Variants in NUP98 observed in about 807,000 individuals in gnomAD.
The protein encoded by NUP98 is nucleoporin 98 and 96 precursor, also known as nuclear pore complex protein Nup98-Nup96.
NUP98 carries 26 observed loss-of-function variants against 191.9 expected under a neutral mutation model. The ratio of observed to expected loss-of-function variants is 0.14; its 90% CI spans 0.10 to 0.19. The LOEUF (loss-of-function observed/expected upper bound fraction) is 0.19. NUP98 is among the 10% of genes least tolerant of loss of function. NUP98 has a pLI of 1.00. For missense variants in NUP98, 1,941 were observed against 2,178.8 expected, an observed-to-expected ratio of 0.89 and a Z score of 2.17; for synonymous variants, 808 against 778.4, an observed-to-expected ratio of 1.04 and a Z score of -0.63.
At chr11:3,778,784 A>G in intron 4 of NUP98, 89 bp downstream of exon 4, 1 of 1,332,876 alleles carries the variant, frequency 7.5e-7, no homozygotes, top group Non-Finnish European at 1.0e-6. Context: ...AAAAGAAGGT[A>G]GATGAACACA....
At position 3,705,091 on chromosome 11, in the gene NUP98, T is replaced by C. The variant is rs941290405; in HGVS notation, c.3082+109A>G. ...ACCCTTATGTCACAGGTATAGTTGT[T>C]TGGCAGATACTTGCTAGAGAAGTCC... On this transcript the variant is annotated intron_variant, in intron 22 of 32. Transcript: ENST00000324932. 18 of 972,722 alleles carry C rather than the reference T, an allele frequency of 1.9e-5. No individual in the cohort carries two copies. In the East Asian group the frequency reaches 2.2e-4, roughly 12 times the overall value. The allele number at this position is 972,722 out of a possible 1,614,324, so 60.3% of individuals were successfully genotyped here.
chr11:3,764,386 T>C (rs1440477488), intron 8 of NUP98, among the ~76,000 whole-genome samples: 3 of 152,224 alleles, frequency 2.0e-5, no homozygotes, highest in Admixed American at 6.5e-5. Context: ...TTTTAGTCAT[T>C]ATGAATAATG....
chr11:3,715,295 C>T (rs961153540), intron 18 of NUP98, among the ~76,000 whole-genome samples: 43 of 152,110 alleles, frequency 2.8e-4, no homozygotes, highest in Non-Finnish European at 4.6e-4. Flanking sequence ...TACAGGTGCC[C>T]GCCACAACAC....
chr11:3,676,533 C>T lies in NUP98; in HGVS notation c.5161G>A (p.Ala1721Thr), dbSNP rs140518858. The change falls in exon 32 of 33, where the codon GCT becomes ACT. Residue 1721 changes from alanine (A) to threonine (T), a missense_variant. Physicochemically the swap from Ala to Thr is moderately conservative, Grantham distance 58 (BLOSUM62 0). This residue lies in a region of NUP98 where 1,030 missense variants were observed against 1,115.8 expected (regional missense o/e 0.92). Transcript: ENST00000324932. ...SRIEQIQCYS[A>T]KDRLAQSDMA... ...CCTGACTGAGCCAGGCGATCTTTAG[C>T]ACTGTAACACTGAATCTGCTCTATC... 73 of 1,613,996 alleles carry T rather than the reference C, an allele frequency of 4.5e-5. No homozygotes were observed. Among genetic ancestry groups the T allele is most frequent in the Non-Finnish European group, 6.0e-5 (71 of 1,179,968 alleles).
intron 31 of NUP98, among the ~76,000 whole-genome samples, chr11:3,677,552 T>C (rs2077857293): frequency 6.6e-6 from 1 of 152,022 alleles, no homozygotes; most frequent in African/African-American, 2.4e-5. Flanking sequence ...GGCACATTGA[T>C]AGTACCCTTT....
chr11:3,690,322 T>C (rs1007328066), intron 28 of NUP98, among the ~76,000 whole-genome samples: 4 of 151,224 alleles, frequency 2.6e-5, no homozygotes, highest in South Asian at 2.1e-4. Context: ...TGCAGTGGCA[T>C]GATCTCTGCT....
In NUP98 at chr11:3,695,577, G is replaced by C; in HGVS notation, c.4039C>G (p.Gln1347Glu). ...GDHRLALLLSQFVGSQSVREL... is the reference protein window; with the variant it reads ...GDHRLALLLSEFVGSQSVREL... ...CGGACTGACTGGCTACCCACAAACT[G>C]AGATAAAAGAAGAGCAAGACGATGA... Residue 1347 changes from glutamine (Q) to glutamate (E), a missense_variant, in exon 26 of 33, where the codon CAG (glutamine) becomes GAG (glutamate). By Grantham distance (29) the Gln-to-Glu change is conservative. This residue lies in a region of NUP98 where 1,030 missense variants were observed against 1,115.8 expected (regional missense o/e 0.92). Transcript: ENST00000324932. 6.3e-7 allele frequency: 1 copy of C among 1,597,192 alleles called. No homozygotes were observed. Among genetic ancestry groups the C allele is most frequent in the Non-Finnish European group, 8.5e-7 (1 of 1,172,866 alleles).
At chr11:3,787,245 G>A (rs148723202) in intron 1 of NUP98, among the ~76,000 whole-genome samples, 1 of 152,136 alleles carries the variant, frequency 6.6e-6, no homozygotes, top group South Asian at 2.1e-4. Flanking sequence ...ATCCTCCCTA[G>A]GATAGATCTT....
intron 11 of NUP98, among the ~76,000 whole-genome samples, chr11:3,746,403 T>A (rs182727281): frequency 5.9e-5 from 9 of 151,404 alleles, no homozygotes; most frequent in African/African-American, 2.0e-4. Context: ...AAGGAAATAG[T>A]TTACAGCACA....
At chr11:3,751,760 G>A (rs1214426589) in intron 11 of NUP98, among the ~76,000 whole-genome samples, 2 of 152,138 alleles carry the variant, frequency 1.3e-5, no homozygotes, top group Non-Finnish European at 2.9e-5. Context: ...TAGGGAGGCT[G>A]AGGTGGGAGG....
intron 13 of NUP98, among the ~76,000 whole-genome samples, chr11:3,734,105 G>C (rs1023513953): frequency 1.3e-5 from 2 of 150,838 alleles, no homozygotes; most frequent in Non-Finnish European, 2.9e-5. Flanking sequence ...GCGCAATCTC[G>C]GCTCACTGCA....
intron 16 of NUP98, among the ~76,000 whole-genome samples, chr11:3,721,608 A>C (rs966067563): frequency 1.3e-5 from 2 of 152,138 alleles, no homozygotes; most frequent in Admixed American, 1.3e-4. Flanking sequence ...TTGAGGAAGG[A>C]GAATCGCTTG....
chr11:3,730,830 AT>A (rs2079818375), intron 14 of NUP98, among the ~76,000 whole-genome samples: 1 of 151,448 alleles, frequency 6.6e-6, no homozygotes, highest in Non-Finnish European at 1.5e-5. Context: ...AAACCTAATT[AT>A]TCAAAAACAA....
In NUP98 at chr11:3,700,754, T is replaced by A. The variant is rs549397088; in HGVS notation, c.3598A>T (p.Thr1200Ser). 1 of 1,614,170 alleles carries A rather than the reference T, an allele frequency of 6.2e-7. No individual in the cohort carries two copies. Among genetic ancestry groups the A allele is most frequent in the South Asian group, 1.1e-5 (1 of 91,080 alleles). ...TGTTTTAATTTGAGCTCCAGAGGTG[T>A]CTGATATAATTTCATGTCTTCATCT... ...KPDEDMKLYQ[T>S]PLELKLKHST... The change falls in exon 24 of 33, where the codon ACA (threonine) becomes TCA (serine). Residue 1200 changes from threonine (T) to serine (S), a missense_variant. By Grantham distance (58) the Thr-to-Ser change is moderately conservative. Transcript: ENST00000324932.
In NUP98 at chr11:3,778,112, T is replaced by G. The variant is rs1257471179; in HGVS notation, c.355+761A>C. Among the ~76,000 whole-genome samples the G allele has an allele frequency of 2.1e-5, 3 of 140,936 alleles. No individual in the cohort carries two copies. The Admixed American group carries it at 2.4e-4, about 11-fold the overall frequency. 92.5% of individuals were successfully genotyped at this position (140,936 alleles called of 152,430 possible). A position where few individuals can be genotyped will look rare whatever the true frequency, so the allele number is the denominator to read the frequency against. On this transcript the variant is annotated intron_variant, in intron 4 of 32. Coordinates refer to ENST00000324932, the MANE Select transcript of NUP98 (RefSeq NM_016320.5). ...TACTCGGGAGGCTGAGGCAGGAGAA[T>G]GGCATGAACCCAGGAGGCACAGCTC...
intron 28 of NUP98, among the ~76,000 whole-genome samples, chr11:3,690,652 C>T (rs1589965398): frequency 6.6e-6 from 1 of 152,106 alleles, no homozygotes; most frequent in East Asian, 1.9e-4. Flanking sequence ...AAAATTTAAA[C>T]AACTAATAAT....
At position 3,797,486 on chromosome 11, in the gene NUP98, T is replaced by TCGCCGC. The variant is rs952318612; in HGVS notation, c.-121_-116dup. On this transcript the variant is annotated 5_prime_UTR_variant, in exon 1 of 33. Transcript: ENST00000324932. ...GCAGCGCGCGGCCCCCACGAAACCGTCGCCGCCGCCGCTACCACCCCTGCC... is the reference window on the plus strand; with the variant it reads ...GCAGCGCGCGGCCCCCACGAAACCGTCGCCGCCGCCGCCGCCGCTACCACCCCTGCC... 1 of 432,134 alleles carries TCGCCGC rather than the reference T, an allele frequency of 2.3e-6. No homozygotes were observed. The highest frequency in any genetic ancestry group is 4.4e-5 in the Admixed American group (1 of 22,848). The allele number at this position is 432,134 out of a possible 1,614,324, so 26.8% of individuals were successfully genotyped here.
chr11:3,706,763 G>T, intron 20 of NUP98, 136 bp from the exon 21 acceptor site: 1 of 798,608 alleles, frequency 1.3e-6, no homozygotes, highest in Non-Finnish European at 2.0e-6. Context: ...AGGTAAGGTA[G>T]CAGATTTGCT....
intron 21 of NUP98, among the ~76,000 whole-genome samples, 195 bp from the exon 22 acceptor site, chr11:3,705,551 C>T (rs1212288781): frequency 2.0e-5 from 3 of 152,062 alleles, no homozygotes; most frequent in African/African-American, 7.3e-5. Context: ...TACTTCTCTT[C>T]TTTGTATCTA....
Sources: allele counts gnomAD v4.1 joint callset (sites outside exome capture counted in the v4.1 genomes callset), GRCh38; gene constraint gnomAD v4.1.1; regional missense constraint gnomAD v4.1.1; transcripts MANE v1.5; gene names NCBI Gene and HGNC (gene_info 2026-07-23, HGNC 2026-07-21).